STT3B: variants seen among roughly 807,000 people sequenced by gnomAD.
STT3B encodes STT3 oligosaccharyltransferase complex catalytic subunit B, also known as dolichyl-diphosphooligosaccharide--protein glycosyltransferase subunit STT3B.
In STT3B, 29 loss-of-function variants were observed where a neutral mutation model predicts 96.8. The observed-to-expected ratio is 0.30, with a 90% CI of 0.22 to 0.41. The LOEUF (loss-of-function observed/expected upper bound fraction) is 0.41. STT3B is among the 10% of genes least tolerant of loss of function. The pLI is 1.00. For missense variants in STT3B, 640 were observed against 1,022.3 expected (o/e 0.63, Z 5.10); for synonymous variants, 367 against 360.0 (o/e 1.02, Z -0.22).
intron 3 of STT3B, among the ~76,000 whole-genome samples, chr3:31,589,968 AC>A (rs1226772326): frequency 2.0e-5 from 3 of 152,008 alleles, no homozygotes; most frequent in Non-Finnish European, 4.4e-5. Flanking sequence ...GGCAGTATTT[AC>A]CATTGAAGCC....
rs1699385013 is a variant in STT3B, at chr3:31,619,657, T to G, written c.1173-19T>G. The G allele has an allele frequency of 6.3e-7, 1 of 1,595,848 alleles. No homozygotes were observed. Among genetic ancestry groups the G allele is most frequent in the Non-Finnish European group, 8.5e-7 (1 of 1,171,178 alleles). On this transcript the variant is annotated intron_variant, in intron 8 of 15. Transcript: ENST00000295770. ...TTTTATCACTTAATTGTAAACAATA[T>G]TAACTTTTTTAATACCAGGTATGCA...
At chr3:31,634,364 C>T (rs1229346825) in intron 15 of STT3B, among the ~76,000 whole-genome samples, 1 of 152,124 alleles carries the variant, frequency 6.6e-6, no homozygotes, top group Non-Finnish European at 1.5e-5. Flanking sequence ...ATGATATAGA[C>T]CCCAAAGGCA....
At chr3:31,561,253 T>A (rs1697870164) in intron 1 of STT3B, among the ~76,000 whole-genome samples, 1 of 152,084 alleles carries the variant, frequency 6.6e-6, no homozygotes, top group African/African-American at 2.4e-5. Context: ...TTTTGTGAAT[T>A]TCTTTTTTTT....
In STT3B at chr3:31,629,272, T is replaced by C. The variant is rs757264950; in HGVS notation, c.2074-26T>C. 2.3e-6 allele frequency: 3 copies of C among 1,288,740 alleles called. No homozygotes were observed. In the Admixed American group the frequency reaches 5.3e-5, roughly 23 times the overall value. 79.8% of individuals were successfully genotyped at this position (1,288,740 alleles called of 1,614,324 possible). Reference sequence around the variant, plus strand: ...TTGAATATGTTAACTTGAACTAACATAGAACTTGTGGTTTCTTTCTTGTAG... The same window carrying C: ...TTGAATATGTTAACTTGAACTAACACAGAACTTGTGGTTTCTTTCTTGTAG... On this transcript the variant is annotated intron_variant, in intron 13 of 15. Coordinates refer to ENST00000295770, the MANE Select transcript of STT3B (RefSeq NM_178862.3).
chr3:31,594,355 C>T (rs1379375443), intron 3 of STT3B, among the ~76,000 whole-genome samples: 1 of 152,044 alleles, frequency 6.6e-6, no homozygotes, highest in Non-Finnish European at 1.5e-5. Flanking sequence ...AGCTTATGCC[C>T]CCAGACACCA....
rs529816895 is a variant in STT3B, at chr3:31,587,217, C to T, written c.711+7121C>T. Among the ~76,000 whole-genome samples the T allele has an allele frequency of 8.5e-4, 129 of 152,064 alleles. 3 individuals carry two copies. The highest frequency in any genetic ancestry group is 1.3e-3 in the Non-Finnish European group (91 of 67,966). ...AATTCAGTGACTTTTAGTATATTAA[C>T]CAAGTTGTACCATTACCACTATCCA... On this transcript the variant is annotated intron_variant, in intron 3 of 15. Transcript: ENST00000295770.
intron 3 of STT3B, 114 bp downstream of exon 3, chr3:31,580,210 T>C (rs1473965702): frequency 4.2e-6 from 4 of 956,916 alleles, no homozygotes; most frequent in Non-Finnish European, 6.3e-6. Context: ...TACAGAGATC[T>C]GTATTACTGT....
intron 1 of STT3B, among the ~76,000 whole-genome samples, chr3:31,576,177 T>C (rs1040782225): frequency 6.6e-6 from 1 of 152,136 alleles, no homozygotes; most frequent in African/African-American, 2.4e-5. Context: ...AAATGTTATT[T>C]TGAACATTAC....
intron 2 of STT3B, 31 bp downstream of exon 2, chr3:31,576,535 T>C: frequency 8.1e-7 from 1 of 1,234,216 alleles, no homozygotes; most frequent in Non-Finnish European, 1.1e-6. Context: ...TTATGTTAAT[T>C]ATAACATTTA....
intron 1 of STT3B, among the ~76,000 whole-genome samples, chr3:31,565,939 C>T (rs1342374778): frequency 1.3e-5 from 2 of 152,058 alleles, no homozygotes; most frequent in African/African-American, 4.8e-5. Context: ...AGAACTACAC[C>T]AGTGGTTTTT....
intron 5 of STT3B, among the ~76,000 whole-genome samples, chr3:31,608,965 A>G (rs1441361229): frequency 1.3e-5 from 2 of 152,104 alleles, no homozygotes; most frequent in Non-Finnish European, 2.9e-5. Flanking sequence ...AAATACAAAA[A>G]TTAGCTGGGC....
intron 1 of STT3B, among the ~76,000 whole-genome samples, chr3:31,553,977 A>C (rs1002412773): frequency 2.6e-5 from 4 of 152,176 alleles, no homozygotes; most frequent in Admixed American, 2.6e-4. Context: ...TTATGGCTGC[A>C]TTTTTAAGAA....
At chr3:31,551,074 G>A (rs1307778326) in intron 1 of STT3B, among the ~76,000 whole-genome samples, 1 of 152,172 alleles carries the variant, frequency 6.6e-6, no homozygotes, top group Non-Finnish European at 1.5e-5. Context: ...GGGTAAAGGA[G>A]AAAGAATAGA....
intron 3 of STT3B, among the ~76,000 whole-genome samples, chr3:31,595,344 C>T (rs1320103408): frequency 6.6e-6 from 1 of 152,224 alleles, no homozygotes; most frequent in African/African-American, 2.4e-5. Context: ...AAAGTCCTAA[C>T]TTTTCTCCTA....
chr3:31,590,844 A>T (rs1177572592), intron 3 of STT3B, among the ~76,000 whole-genome samples: 2 of 152,026 alleles, frequency 1.3e-5, no homozygotes, highest in Non-Finnish European at 2.9e-5. Flanking sequence ...CTGGCTCCTA[A>T]GTGTAAATAT....
chr3:31,611,096 T>A (rs1259869345), intron 5 of STT3B, among the ~76,000 whole-genome samples: 1 of 152,164 alleles, frequency 6.6e-6, no homozygotes, highest in Non-Finnish European at 1.5e-5. Flanking sequence ...CTTAAAGAGT[T>A]CATTGGAAGG....
rs1699766501 is a variant in STT3B at position 31,637,115 on chromosome 3, G to GGGACAA, written c.*1051_*1052insGGACAA. 6.6e-6 allele frequency: 1 copy of GGGACAA among 152,118 alleles called. No homozygotes were observed. Among genetic ancestry groups the GGGACAA allele is most frequent in the East Asian group, 1.9e-4 (1 of 5,192 alleles). The allele number at this position is 152,118 out of a possible 1,614,324, so 9.4% of individuals were successfully genotyped here. ...GCATTTTCTTACTTTTGTTAAAAAT[G>GGGACAA]TGACAGTTGTCAAAAAATGCACTAA... On this transcript the variant is annotated 3_prime_UTR_variant, in exon 16 of 16. Coordinates refer to ENST00000295770, the MANE Select transcript of STT3B (RefSeq NM_178862.3).
chr3:31,586,571 G>T lies in STT3B; in HGVS notation c.711+6475G>T, dbSNP rs144955067. ...ATCTATTTTAAGTTGATTATGGTCT[G>T]GTGCAATATAAGGGTTGTTGGGTTT... On this transcript the variant is annotated intron_variant, in intron 3 of 15. Transcript: ENST00000295770. 6.5e-4 allele frequency among the ~76,000 whole-genome samples: 99 copies of T among 152,120 alleles called. 6 individuals are homozygous for T. The East Asian group carries it at 0.019, about 29-fold the overall frequency.
intron 1 of STT3B, among the ~76,000 whole-genome samples, chr3:31,557,433 G>T (rs934645743): frequency 3.3e-5 from 5 of 152,042 alleles, no homozygotes; most frequent in Non-Finnish European, 7.4e-5. Context: ...GATAGGGCTT[G>T]TGTTCAATCT....
Sources: allele counts gnomAD v4.1 joint callset (sites outside exome capture counted in the v4.1 genomes callset), GRCh38; gene constraint gnomAD v4.1.1; transcripts MANE v1.5; gene names NCBI Gene and HGNC (gene_info 2026-07-23, HGNC 2026-07-21).